SPATA12: variants seen among roughly 807,000 people sequenced by gnomAD.
SPATA12 encodes spermatogenesis associated 12, also known as spermatogenesis-associated protein 12.
For missense variants in SPATA12, 219 were observed against 226.4 expected, an observed-to-expected ratio of 0.97 and a Z score of 0.21; for synonymous variants, 85 against 89.2, an observed-to-expected ratio of 0.95 and a Z score of 0.26.
intron 1 of SPATA12, among the ~76,000 whole-genome samples, chr3:57,069,737 G>T (rs9311640): frequency 0.87 from 132,568 of 152,186 alleles, 57,789 homozygotes; most frequent in East Asian, 0.96. Context: ...GTCAAACAAC[G>T]GGGCTCAAGC....
At chr3:57,071,110 T>C (rs1283084355) in intron 1 of SPATA12, among the ~76,000 whole-genome samples, 1 of 152,028 alleles carries the variant, frequency 6.6e-6, no homozygotes. Context: ...GGCATAAGGA[T>C]AGACATATAG....
At position 57,074,262 on chromosome 3, in the gene SPATA12, C is replaced by A; in HGVS notation, c.568C>A (p.Leu190Met). ...VYSNTHIHTH[L>M] ...CTCCAACACACACATACACACACAT[C>A]TGTAATCAATAATAATCCTGCAACA... Residue 190 changes from leucine to methionine, a missense_variant, in exon 2 of 2, where the codon CTG becomes ATG. Transcript: ENST00000334325. 1 of 1,607,166 alleles carries A rather than the reference C, an allele frequency of 6.2e-7. No homozygotes were observed. The highest frequency in any genetic ancestry group is 2.2e-5 in the East Asian group (1 of 44,750).
chr3:57,073,721 G>A lies in SPATA12; in HGVS notation c.27G>A (p.Gly9=). The change falls in exon 2 of 2, where the codon GGG becomes GGA. Residue 9 remains glycine, a synonymous_variant. Transcript: ENST00000334325. ...TGTCCAGTTCTGCTCTGACTTGTGGGTCCACCTTAGAAAAGTCAGGAGACA... is the reference window on the plus strand; with the variant it reads ...TGTCCAGTTCTGCTCTGACTTGTGGATCCACCTTAGAAAAGTCAGGAGACA... The part of the protein sequence containing the change: MSSSALTC[G]STLEKSGDTW... 2 of 1,614,114 alleles carry A rather than the reference G, an allele frequency of 1.2e-6. No homozygotes were observed. The highest frequency in any genetic ancestry group is 1.7e-6 in the Non-Finnish European group (2 of 1,180,002).
intron 1 of SPATA12, among the ~76,000 whole-genome samples, chr3:57,063,564 C>T (rs1054487580): frequency 3.9e-5 from 6 of 152,140 alleles, no homozygotes; most frequent in South Asian, 2.1e-4. Flanking sequence ...TCAAAGATGA[C>T]GCCCCAGGCT....
In SPATA12 at chr3:57,073,913, G is replaced by C; in HGVS notation, c.219G>C (p.Gln73His). Residue 73 changes from glutamine to histidine, a missense_variant, in exon 2 of 2, where the codon CAG becomes CAC. Coordinates refer to ENST00000334325, the MANE Select transcript of SPATA12 (RefSeq NM_181727.2). The stretch of plus-strand genomic sequence containing the variant: ...CTGCCCTCCCAGAGCTGACATTTCA[G>C]GGGGATGTGTGCCAAAGTGAGACCT... ...AASALPELTF[Q>H]GDVCQSETCQ... The C allele has an allele frequency of 6.2e-7, 1 of 1,614,192 alleles. No homozygotes were observed. The highest frequency in any genetic ancestry group is 8.5e-7 in the Non-Finnish European group (1 of 1,180,026).
chr3:57,073,959 G>A lies in SPATA12; in HGVS notation c.265G>A (p.Ala89Thr), dbSNP rs1706078284. ...GACCTGTCAGAGATATTTACAAGCA[G>A]CCATCTCTCTTGACATCGCTGTATC... is the stretch of plus-strand genomic sequence containing the variant. ...SETCQRYLQA[A>T]ISLDIAVSQI... is the part of the protein sequence containing the mutation. Residue 89 changes from alanine to threonine, a missense_variant, in exon 2 of 2, where the codon GCC becomes ACC. Coordinates refer to ENST00000334325, the MANE Select transcript of SPATA12 (RefSeq NM_181727.2). The A allele has an allele frequency of 6.2e-7, 1 of 1,614,216 alleles. No homozygotes were observed. The highest frequency in any genetic ancestry group is 8.5e-7 in the Non-Finnish European group (1 of 1,180,042).
At position 57,074,062 on chromosome 3, in the gene SPATA12, A is replaced by G. The variant is rs1223558502; in HGVS notation, c.368A>G (p.His123Arg). The change falls in exon 2 of 2, where the codon CAT becomes CGT. Residue 123 changes from histidine to arginine, a missense_variant. By Grantham distance (29) the His-to-Arg change is conservative. Transcript: ENST00000334325. ...CAAGGCAGTTGTGAGCAAGTTATTC[A>G]TAACTCTACACCTCAATTTCTTGGT... The part of the protein sequence containing the change: ...IQQGSCEQVI[H>R]NSTPQFLGME... The G allele has an allele frequency of 1.7e-5, 27 of 1,614,086 alleles. No homozygotes were observed. Among genetic ancestry groups the G allele is most frequent in the South Asian group, 2.2e-5 (2 of 91,086 alleles).
chr3:57,070,644 G>C (rs74500737), intron 1 of SPATA12, among the ~76,000 whole-genome samples: 2,500 of 152,114 alleles, frequency 0.016, 68 homozygotes, highest in African/African-American at 0.057. Context: ...GGGAGATCCA[G>C]AACAGCCAAA....
intron 1 of SPATA12, among the ~76,000 whole-genome samples, chr3:57,068,853 C>A (rs1014429366): frequency 3.9e-4 from 59 of 151,768 alleles, no homozygotes; most frequent in Non-Finnish European, 6.8e-4. Context: ...AGGATGGAAA[C>A]AAAATCCCTA....
At chr3:57,064,654 A>G (rs1705425818) in intron 1 of SPATA12, among the ~76,000 whole-genome samples, 1 of 152,228 alleles carries the variant, frequency 6.6e-6, no homozygotes, top group Admixed American at 6.5e-5. Flanking sequence ...GTGAACCTTG[A>G]GCACATTATG....
chr3:57,067,795 C>T (rs1273070128), intron 1 of SPATA12, among the ~76,000 whole-genome samples: 2 of 149,212 alleles, frequency 1.3e-5, no homozygotes, highest in African/African-American at 2.5e-5. Context: ...TTGGCTAACA[C>T]GGTGAAACCC....
chr3:57,063,102 C>T (rs1452008424), intron 1 of SPATA12, among the ~76,000 whole-genome samples: 1 of 152,152 alleles, frequency 6.6e-6, no homozygotes, highest in African/African-American at 2.4e-5. Flanking sequence ...AAATGAGGGA[C>T]CAAGCTCTGC....
rs1471488979 is a variant in SPATA12, at chr3:57,069,461, A to G, written c.-329-3905A>G. Reference sequence around the variant, plus strand: ...TCACCCCAGATGAGTTGAGGTATGAATGGATTTGAAGTTTCAAATGTAGTT... The same window carrying G: ...TCACCCCAGATGAGTTGAGGTATGAGTGGATTTGAAGTTTCAAATGTAGTT... On this transcript the variant is annotated intron_variant, in intron 1 of 1. Transcript: ENST00000334325. Among the ~76,000 whole-genome samples the G allele has an allele frequency of 2.0e-5, 3 of 152,162 alleles. No homozygotes were observed. The South Asian group carries it at 6.2e-4, about 32-fold the overall frequency.
intron 1 of SPATA12, among the ~76,000 whole-genome samples, chr3:57,066,094 ACT>A (rs1283232685): frequency 1.3e-5 from 2 of 151,668 alleles, no homozygotes; most frequent in Non-Finnish European, 2.9e-5. Context: ...AGAACAAGAA[ACT>A]CTGCACCCCC....
At chr3:57,068,051 T>C (rs1285432977) in intron 1 of SPATA12, among the ~76,000 whole-genome samples, 2 of 152,106 alleles carry the variant, frequency 1.3e-5, no homozygotes, top group Non-Finnish European at 2.9e-5. Context: ...CATGCACCTG[T>C]AGTCCCAGTT....
At position 57,073,494 on chromosome 3, in the gene SPATA12, C is replaced by A; in HGVS notation, c.-201C>A. The A allele has an allele frequency of 3.9e-6, 3 of 759,946 alleles. No homozygotes were observed. Among genetic ancestry groups the A allele is most frequent in the Non-Finnish European group, 6.0e-6 (3 of 502,164 alleles). 47.1% of individuals were successfully genotyped at this position (759,946 alleles called of 1,614,324 possible). On this transcript the variant is annotated 5_prime_UTR_variant, in exon 2 of 2. Transcript: ENST00000334325. The stretch of plus-strand genomic sequence containing the variant: ...AAGCAAAGATGTGAACATGGGAAAA[C>A]CTCTGCAGTATCTGGGTGACTGTGG...
At chr3:57,062,846 C>T (rs555351414) in intron 1 of SPATA12, among the ~76,000 whole-genome samples, 1 of 152,074 alleles carries the variant, frequency 6.6e-6, no homozygotes, top group Non-Finnish European at 1.5e-5. Context: ...CTTTTCTTTA[C>T]GGGTTCAACA....
At position 57,073,866 on chromosome 3, in the gene SPATA12, G is replaced by A; in HGVS notation, c.172G>A (p.Gly58Ser). 2.5e-6 allele frequency: 4 copies of A among 1,614,198 alleles called. No individual in the cohort carries two copies. Among genetic ancestry groups the A allele is most frequent in the Non-Finnish European group, 3.4e-6 (4 of 1,180,024 alleles). The change falls in exon 2 of 2, where the codon GGT becomes AGT. Residue 58 changes from glycine to serine, a missense_variant. Physicochemically the swap from Gly to Ser is moderately conservative, Grantham distance 56. Transcript: ENST00000334325. ...HCALASCQGP[G>S]VLPGAASALP... is the part of the protein sequence containing the mutation. The stretch of plus-strand genomic sequence containing the variant: ...TGCACTGGCATCATGCCAGGGTCCA[G>A]GTGTCCTGCCAGGAGCAGCCTCTGC...
chr3:57,062,678 C>T (rs1705294156), intron 1 of SPATA12, among the ~76,000 whole-genome samples: 1 of 152,056 alleles, frequency 6.6e-6, no homozygotes, highest in African/African-American at 2.4e-5. Flanking sequence ...TGACAGGACT[C>T]GCTGTTTCTC....
Sources: gnomAD v4.1 joint callset for allele counts (sites outside exome capture counted in the v4.1 genomes callset) on GRCh38, gnomAD v4.1.1 for gene constraint, MANE v1.5 for transcripts, NCBI Gene and HGNC (gene_info 2026-07-23, HGNC 2026-07-21) for gene names.